KAT6A: variants seen among roughly 807,000 people sequenced by gnomAD.
The protein encoded by KAT6A is lysine acetyltransferase 6A.
A neutral mutation model predicts 198.4 loss-of-function variants in KAT6A; 9 were observed. The ratio of observed to expected loss-of-function variants is 0.05; its 90% CI spans 0.03 to 0.08. The LOEUF is 0.08. Among genes scored for constraint, KAT6A ranks in the 10% least tolerant of loss-of-function variants. The probability of loss-of-function intolerance (pLI) is 1.00; values close to 1 mark genes in which losing one functional copy is unlikely to be tolerated. For synonymous variants in KAT6A, 890 were observed against 883.0 expected (o/e 1.01, Z -0.14); for missense variants, 2,077 against 2,509.9 (o/e 0.83, Z 3.69).
intron 2 of KAT6A, among the ~76,000 whole-genome samples, chr8:42,026,210 C>T (rs1222821876): frequency 6.6e-6 from 1 of 152,104 alleles, no homozygotes; most frequent in Non-Finnish European, 1.5e-5. Flanking sequence ...AGTGTGATGC[C>T]CCCAGCTTTG....
At chr8:42,050,622 C>G (rs1158772536) in intron 1 of KAT6A, among the ~76,000 whole-genome samples, 1 of 152,150 alleles carries the variant, frequency 6.6e-6, no homozygotes, top group Non-Finnish European at 1.5e-5. Flanking sequence ...AAGAAGCCCC[C>G]TGGGAGAATC....
At chr8:42,005,656 G>C (rs1825702201) in intron 2 of KAT6A, among the ~76,000 whole-genome samples, 1 of 152,106 alleles carries the variant, frequency 6.6e-6, no homozygotes, top group Non-Finnish European at 1.5e-5. Context: ...AGGGGGAAGA[G>C]GAGAAAAACT....
intron 2 of KAT6A, among the ~76,000 whole-genome samples, chr8:42,026,784 G>C (rs1402291435): frequency 6.6e-6 from 1 of 152,014 alleles, no homozygotes; most frequent in African/African-American, 2.4e-5. Context: ...TGCTCCGGTT[G>C]GGATTTCCAG....
intron 10 of KAT6A, among the ~76,000 whole-genome samples, 192 bp downstream of exon 10, chr8:41,949,030 T>A (rs989291126): frequency 6.6e-6 from 1 of 152,240 alleles, no homozygotes; most frequent in Non-Finnish European, 1.5e-5. Flanking sequence ...TAAGATGTAC[T>A]TTTATCACAT....
In KAT6A at chr8:41,943,816, A is replaced by C; in HGVS notation, c.2160T>G (p.Thr720=). Residue 720 remains threonine, a synonymous_variant, in exon 13 of 17, where the codon ACT becomes ACG. Coordinates refer to ENST00000265713, the MANE Select transcript of KAT6A (RefSeq NM_006766.5). ...QISIKKLSKL[T]GICPQDITST... is the part of the protein sequence containing the mutation. Reference sequence around the variant, plus strand: ...AAGTGATGTCTTGAGGGCAGATTCCAGTCAACTTGCTTAACTTCTTAATGC... The same window carrying C: ...AAGTGATGTCTTGAGGGCAGATTCCCGTCAACTTGCTTAACTTCTTAATGC... 1 of 1,614,012 alleles carries C rather than the reference A, an allele frequency of 6.2e-7. No individual in the cohort carries two copies. The highest frequency in any genetic ancestry group is 8.5e-7 in the Non-Finnish European group (1 of 1,179,984).
chr8:41,954,654 T>C (rs941489628), intron 9 of KAT6A, among the ~76,000 whole-genome samples: 1 of 152,148 alleles, frequency 6.6e-6, no homozygotes, highest in Admixed American at 6.5e-5. Flanking sequence ...GTCCTCAATA[T>C]CCCCACGAAG....
At chr8:42,007,051 CCT>C (rs1307548664) in intron 2 of KAT6A, among the ~76,000 whole-genome samples, 1 of 150,990 alleles carries the variant, frequency 6.6e-6, no homozygotes, top group Non-Finnish European at 1.5e-5. Flanking sequence ...ACCAAAAATG[CCT>C]TTTTCATAAT....
Position 41,932,996 on chromosome 8 carries a change from C to T in KAT6A, c.5224G>A (p.Gly1742Ser), listed in dbSNP as rs184301966. The change falls in exon 17 of 17, where the codon GGC becomes AGC. Residue 1742 changes from glycine to serine, a missense_variant. Gly to Ser is a moderately conservative substitution (Grantham distance 56, BLOSUM62 0). This residue lies in a region of KAT6A where 500 missense variants were observed against 577.2 expected (regional missense o/e 0.87). Transcript: ENST00000265713. The stretch of plus-strand genomic sequence containing the variant: ...GTGGCTGATGGTTGAGAGTAGCTGC[C>T]GGCACCAAAATCCCCTGGAATCCTC... ...YERIPGDFGAGSYSQPSATFS... is the reference protein window; with the variant it reads ...YERIPGDFGASSYSQPSATFS... 28 of 1,614,124 alleles carry T rather than the reference C, an allele frequency of 1.7e-5. No individual in the cohort carries two copies. The highest frequency in any genetic ancestry group is 2.2e-5 in the East Asian group (1 of 44,888).
intron 2 of KAT6A, among the ~76,000 whole-genome samples, chr8:41,989,622 C>T (rs1824824372): frequency 6.6e-6 from 1 of 151,936 alleles, no homozygotes; most frequent in African/African-American, 2.4e-5. Flanking sequence ...TGTAGCAATA[C>T]CCACTGACAA....
chr8:42,008,943 G>T (rs1825877522), intron 2 of KAT6A, among the ~76,000 whole-genome samples: 1 of 152,150 alleles, frequency 6.6e-6, no homozygotes, highest in South Asian at 2.1e-4. Context: ...TATAAAAGAT[G>T]AAGAGAGCAA....
intron 8 of KAT6A, among the ~76,000 whole-genome samples, chr8:41,967,274 A>ATTTT (rs1554686629): frequency 7.0e-6 from 1 of 142,798 alleles, no homozygotes; most frequent in Non-Finnish European, 1.5e-5. Flanking sequence ...TAAAAAAAAA[A>ATTTT]ATTTATTTAT....
intron 6 of KAT6A, 92 bp downstream of exon 6, chr8:41,978,549 TG>T (rs1824183011): frequency 1.5e-6 from 2 of 1,320,046 alleles, no homozygotes; most frequent in Non-Finnish European, 2.1e-6. Flanking sequence ...GATATGACAA[TG>T]GAATTTTTTT....
chr8:41,939,767 T>C (rs928780003), intron 15 of KAT6A, among the ~76,000 whole-genome samples: 2 of 152,170 alleles, frequency 1.3e-5, no homozygotes, highest in African/African-American at 4.8e-5. Flanking sequence ...ACATGACTAC[T>C]AAATGTAATG....
chr8:41,992,279 G>C (rs1167569059), intron 2 of KAT6A, among the ~76,000 whole-genome samples: 2 of 152,098 alleles, frequency 1.3e-5, no homozygotes, highest in Non-Finnish European at 2.9e-5. Context: ...GAGAGCCCTT[G>C]TCAGTGACAG....
chr8:42,025,456 C>T (rs752771125), intron 2 of KAT6A, among the ~76,000 whole-genome samples: 6 of 152,012 alleles, frequency 3.9e-5, no homozygotes, highest in Admixed American at 1.3e-4. Context: ...TCAGGTGATC[C>T]GCCCTCCTCA....
intron 2 of KAT6A, among the ~76,000 whole-genome samples, chr8:41,994,631 GT>G: frequency 6.6e-6 from 1 of 152,148 alleles, no homozygotes; most frequent in East Asian, 1.9e-4. Context: ...TCCCTGCTTT[GT>G]TTTTTCCCCT....
intron 2 of KAT6A, among the ~76,000 whole-genome samples, chr8:41,992,568 T>C (rs982864648): frequency 6.6e-6 from 1 of 152,170 alleles, no homozygotes; most frequent in Admixed American, 6.5e-5. Context: ...GGAAAAGTCA[T>C]TCTCCTCGAG....
At chr8:41,947,340 A>T (rs1232290167) in intron 11 of KAT6A, among the ~76,000 whole-genome samples, 2 of 152,244 alleles carry the variant, frequency 1.3e-5, no homozygotes, top group Admixed American at 1.3e-4. Flanking sequence ...CTCTAAGGGA[A>T]TGGAAGATTA....
rs763671755 is a variant in KAT6A, at chr8:41,940,940, G to A, written c.2941C>T (p.Leu981Phe). The change falls in exon 15 of 17, where the codon CTC becomes TTC. Residue 981 changes from leucine (L) to phenylalanine (F), a missense_variant. Leu to Phe is a conservative substitution (Grantham distance 22). Transcript: ENST00000265713. ...RRYSEGDRAV[L>F]RGFSESSEEE... ...TCGCTGCTCTCACTGAAGCCCCTGA[G>A]GACAGCCCTGTCACCCTCACTGTAG... 39 of 1,614,204 alleles carry A rather than the reference G, an allele frequency of 2.4e-5. No homozygotes were observed. Among genetic ancestry groups the A allele is most frequent in the Non-Finnish European group, 3.2e-5 (38 of 1,180,040 alleles).
Sources: allele counts gnomAD v4.1 joint callset (sites outside exome capture counted in the v4.1 genomes callset), GRCh38; gene constraint gnomAD v4.1.1; regional missense constraint gnomAD v4.1.1; transcripts MANE v1.5; gene names NCBI Gene and HGNC (gene_info 2026-07-23, HGNC 2026-07-21).